FSTL5: variants seen among roughly 807,000 people sequenced by gnomAD.
The protein encoded by FSTL5 is follistatin like 5, also known as follistatin-related protein 5.
A neutral mutation model predicts 89.1 loss-of-function variants in FSTL5; 62 were observed. The ratio of observed to expected loss-of-function variants is 0.70; its 90% CI spans 0.57 to 0.86. The LOEUF (loss-of-function observed/expected upper bound fraction) is 0.86, where lower values mean the gene tolerates loss of function less well. FSTL5 is among the 40% of genes least tolerant of loss of function. The probability of loss-of-function intolerance (pLI) is 0.00; values close to 1 mark genes in which losing one functional copy is unlikely to be tolerated. For synonymous variants in FSTL5, 383 were observed against 346.2 expected (o/e 1.11, Z -1.18); for missense variants, 1,057 against 1,001.6 (o/e 1.06, Z -0.75).
intron 15 of FSTL5, among the ~76,000 whole-genome samples, chr4:161,431,023 A>T (rs974713069): frequency 1.3e-4 from 20 of 152,186 alleles, no homozygotes; most frequent in African/African-American, 4.6e-4. Flanking sequence ...TGAGGGATTT[A>T]ATCAACATCA....
chr4:161,907,322 T>C (rs963014807), intron 4 of FSTL5, among the ~76,000 whole-genome samples: 2 of 152,050 alleles, frequency 1.3e-5, no homozygotes, highest in African/African-American at 2.4e-5. Flanking sequence ...TAAACAAGAA[T>C]CAGTTCTATG....
intron 6 of FSTL5, among the ~76,000 whole-genome samples, chr4:161,711,438 G>T (rs545200109): frequency 6.6e-6 from 1 of 152,034 alleles, no homozygotes; most frequent in African/African-American, 2.4e-5. Context: ...AGAAATACTT[G>T]AAATACAGAA....
At chr4:161,901,092 A>G (rs974981632) in intron 4 of FSTL5, among the ~76,000 whole-genome samples, 3 of 151,950 alleles carry the variant, frequency 2.0e-5, no homozygotes, top group Non-Finnish European at 4.4e-5. Flanking sequence ...CATACATCAC[A>G]TATTTACTGA....
intron 15 of FSTL5, among the ~76,000 whole-genome samples, chr4:161,395,020 G>A (rs553285485): frequency 7.2e-4 from 110 of 152,216 alleles, no homozygotes; most frequent in African/African-American, 2.5e-3. Flanking sequence ...TGAAAGACAA[G>A]AGATAAATCC....
At chr4:161,733,650 T>C (rs1294113791) in intron 6 of FSTL5, among the ~76,000 whole-genome samples, 3 of 152,062 alleles carry the variant, frequency 2.0e-5, no homozygotes, top group South Asian at 4.1e-4. Flanking sequence ...TGATGTCTTC[T>C]AACAAGTTAA....
At chr4:161,990,792 C>G (rs76128827) in intron 3 of FSTL5, among the ~76,000 whole-genome samples, 8,358 of 152,134 alleles carry the variant, frequency 0.055, 266 homozygotes, top group Non-Finnish European at 0.077. Context: ...TAGATTGAAA[C>G]AGCTCACTCC....
chr4:161,887,569 A>C (rs1303700818), intron 4 of FSTL5, among the ~76,000 whole-genome samples: 3 of 152,066 alleles, frequency 2.0e-5, no homozygotes, highest in Non-Finnish European at 2.9e-5. Flanking sequence ...TTTTGCTACA[A>C]TATCCTTAAT....
chr4:161,471,979 C>CT (rs61243040), intron 13 of FSTL5, among the ~76,000 whole-genome samples: 92,388 of 132,462 alleles, frequency 0.7, 30,955 homozygotes, highest in East Asian at 0.81. Context: ...TTTTCTTGAT[C>CT]TTTTTTTTTT....
intron 6 of FSTL5, among the ~76,000 whole-genome samples, chr4:161,682,170 T>C (rs534367779): frequency 6.6e-6 from 1 of 152,324 alleles, no homozygotes; most frequent in East Asian, 1.9e-4. Context: ...AAAATTACCA[T>C]GAAAGGAGCT....
chr4:162,024,805 A>G (rs982417111), intron 3 of FSTL5, among the ~76,000 whole-genome samples: 1 of 152,004 alleles, frequency 6.6e-6, no homozygotes, highest in South Asian at 2.1e-4. Flanking sequence ...ACCTGCCACC[A>G]TGCTAGGCTA....
chr4:161,808,685 C>A (rs1730047931), intron 4 of FSTL5, among the ~76,000 whole-genome samples: 1 of 151,652 alleles, frequency 6.6e-6, no homozygotes, highest in African/African-American at 2.4e-5. Flanking sequence ...CACCAAAGGA[C>A]ACAATCAATA....
chr4:162,047,311 A>G (rs1378258461), intron 2 of FSTL5: 3 of 152,188 alleles, frequency 2.0e-5, no homozygotes, highest in Admixed American at 2.0e-4. Flanking sequence ...AGATGAAAAC[A>G]CATATCATTC....
chr4:161,925,137 C>T (rs955058565), intron 3 of FSTL5, among the ~76,000 whole-genome samples: 1 of 151,718 alleles, frequency 6.6e-6, no homozygotes, highest in Non-Finnish European at 1.5e-5. Context: ...TGTAATAATG[C>T]TCAGCAAAAC....
At position 161,829,097 on chromosome 4, in the gene FSTL5, CA is replaced by C. The variant is rs200178739; in HGVS notation, c.410-53024del. Among the ~76,000 whole-genome samples the C allele has an allele frequency of 5.2e-4, 70 of 135,912 alleles. 1 individual carries two copies. In the East Asian group the frequency reaches 6.5e-3, roughly 13 times the overall value. 89.2% of individuals were successfully genotyped at this position (135,912 alleles called of 152,430 possible). On this transcript the variant is annotated intron_variant, in intron 4 of 15. Coordinates refer to ENST00000306100, the MANE Select transcript of FSTL5 (RefSeq NM_020116.5). ...AGATACTTGATAAATGTAATTTTTT[CA>C]AAAAAAAATTAGACAAAGTTAAAAG...
At chr4:161,863,047 C>G (rs1333142113) in intron 4 of FSTL5, among the ~76,000 whole-genome samples, 1 of 152,150 alleles carries the variant, frequency 6.6e-6, no homozygotes, top group Non-Finnish European at 1.5e-5. Context: ...GCAGAAATTT[C>G]TACTCATCAG....
intron 2 of FSTL5, among the ~76,000 whole-genome samples, chr4:162,082,532 T>A (rs1400066823): frequency 2.9e-4 from 1 of 3,474 alleles, no homozygotes; most frequent in Middle Eastern, 0.5. Flanking sequence ...AAACAAATTC[T>A]TTTTTTTTTT....
intron 6 of FSTL5, among the ~76,000 whole-genome samples, chr4:161,731,401 C>T (rs1739606117): frequency 1.3e-5 from 2 of 152,066 alleles, no homozygotes; most frequent in South Asian, 4.2e-4. Flanking sequence ...ACCGTAGGGG[C>T]AGATTTCCCC....
chr4:162,099,742 C>T (rs1420708699), intron 2 of FSTL5, among the ~76,000 whole-genome samples: 1 of 152,108 alleles, frequency 6.6e-6, no homozygotes, highest in Non-Finnish European at 1.5e-5. Flanking sequence ...AAACTGACAA[C>T]CCAATTATAA....
At chr4:162,008,841 CT>C (rs2111124870) in intron 3 of FSTL5, among the ~76,000 whole-genome samples, 1 of 151,986 alleles carries the variant, frequency 6.6e-6, no homozygotes, top group South Asian at 2.1e-4. Context: ...GAGCAATTTG[CT>C]TTATGGTATT....
Sources: gnomAD v4.1 joint callset for allele counts (sites outside exome capture counted in the v4.1 genomes callset) on GRCh38, gnomAD v4.1.1 for gene constraint, MANE v1.5 for transcripts, NCBI Gene and HGNC (gene_info 2026-07-23, HGNC 2026-07-21) for gene names.